ATF7IP2: variants seen among roughly 807,000 people sequenced by gnomAD.
The protein encoded by ATF7IP2 is activating transcription factor 7 interacting protein 2.
In ATF7IP2, 42 loss-of-function variants were observed where a neutral mutation model predicts 64.2. The ratio of observed to expected loss-of-function variants is 0.65; its 90% CI spans 0.51 to 0.85. The LOEUF is 0.85. Among genes scored for constraint, ATF7IP2 ranks in the 40% least tolerant of loss-of-function variants. The pLI is 0.00. For missense variants in ATF7IP2, 933 were observed against 784.2 expected (o/e 1.19, Z -2.27); for synonymous variants, 308 against 272.8 (o/e 1.13, Z -1.27).
chr16:10,434,918 A>G (rs1028451365), intron 6 of ATF7IP2, among the ~76,000 whole-genome samples: 11 of 152,162 alleles, frequency 7.2e-5, no homozygotes, highest in Non-Finnish European at 1.0e-4. Flanking sequence ...GGTGTGCACT[A>G]GCACACCCAG....
intron 9 of ATF7IP2, among the ~76,000 whole-genome samples, chr16:10,459,416 C>T (rs551618574): frequency 2.7e-4 from 41 of 150,120 alleles, no homozygotes; most frequent in African/African-American, 7.9e-4. Flanking sequence ...TGCAGTGAGC[C>T]GGTATCACAC....
At chr16:10,434,464 A>G (rs760484664) in intron 6 of ATF7IP2, among the ~76,000 whole-genome samples, 1 of 152,166 alleles carries the variant, frequency 6.6e-6, no homozygotes, top group Non-Finnish European at 1.5e-5. Context: ...AAACACTACC[A>G]TTTTTTAAAA....
chr16:10,469,019 A>C (rs557566262), intron 9 of ATF7IP2, among the ~76,000 whole-genome samples: 32 of 152,350 alleles, frequency 2.1e-4, no homozygotes, highest in Non-Finnish European at 4.0e-4. Context: ...ATTTAATTGC[A>C]TGCCAGAACA....
rs772187949 is a variant in ATF7IP2, at chr16:10,457,401, T to A, written c.1224T>A (p.Asp408Glu). Residue 408 changes from aspartate (D) to glutamate (E), a missense_variant, in exon 9 of 14, where the codon GAT (aspartate) becomes GAA (glutamate). Asp to Glu is a conservative substitution (Grantham distance 45). Coordinates refer to ENST00000562102, the MANE Select transcript of ATF7IP2 (RefSeq NM_001393719.1). Reference sequence around the variant, plus strand: ...CAAATTCAGAGGCTATGATTTTGGATAAGAATCTTGAGTCAGTTAATAGTC... The same window carrying A: ...CAAATTCAGAGGCTATGATTTTGGAAAAGAATCTTGAGTCAGTTAATAGTC... The part of the protein sequence containing the change: ...KVANSEAMIL[D>E]KNLESVNSPI... 1 of 1,607,846 alleles carries A rather than the reference T, an allele frequency of 6.2e-7. No homozygotes were observed. The highest frequency in any genetic ancestry group is 1.1e-5 in the South Asian group (1 of 88,884).
At chr16:10,403,220 G>C (rs2047569510) in intron 1 of ATF7IP2, among the ~76,000 whole-genome samples, 1 of 152,120 alleles carries the variant, frequency 6.6e-6, no homozygotes, top group Non-Finnish European at 1.5e-5. Context: ...TACAATATGT[G>C]ACACATATGC....
intron 1 of ATF7IP2, among the ~76,000 whole-genome samples, chr16:10,409,313 C>T (rs747254130): frequency 1.3e-5 from 2 of 152,076 alleles, no homozygotes; most frequent in Admixed American, 6.5e-5. Context: ...AGGTTGTTTA[C>T]ACTAATTAGG....
At chr16:10,463,412 G>T (rs1279641024) in intron 9 of ATF7IP2, among the ~76,000 whole-genome samples, 1 of 152,204 alleles carries the variant, frequency 6.6e-6, no homozygotes, top group Non-Finnish European at 1.5e-5. Flanking sequence ...TATGGCACAA[G>T]TGACATTATT....
At chr16:10,471,469 G>A (rs149680638) in intron 9 of ATF7IP2, among the ~76,000 whole-genome samples, 1,965 of 152,002 alleles carry the variant, frequency 0.013, 47 homozygotes, top group African/African-American at 0.045. Context: ...CAGAGGTTTC[G>A]GTGAGCCAAG....
At chr16:10,459,487 A>G (rs1567164653) in intron 9 of ATF7IP2, among the ~76,000 whole-genome samples, 1 of 149,992 alleles carries the variant, frequency 6.7e-6, no homozygotes, top group Middle Eastern at 3.4e-3. Context: ...AAAAAAAAAA[A>G]AAATACAAAA....
chr16:10,433,052 AT>A (rs1055422503), intron 5 of ATF7IP2, among the ~76,000 whole-genome samples: 2 of 151,932 alleles, frequency 1.3e-5, no homozygotes, highest in African/African-American at 4.8e-5. Context: ...AAGATAACTC[AT>A]TTTTTTTCAA....
At chr16:10,460,967 A>ATAT (rs1377360401) in intron 9 of ATF7IP2, among the ~76,000 whole-genome samples, 1 of 152,208 alleles carries the variant, frequency 6.6e-6, no homozygotes, top group Admixed American at 6.5e-5. Flanking sequence ...AACGCAGAAT[A>ATAT]TATATAAAGA....
chr16:10,418,601 G>A (rs2047925062), intron 2 of ATF7IP2, among the ~76,000 whole-genome samples: 1 of 152,194 alleles, frequency 6.6e-6, no homozygotes, highest in African/African-American at 2.4e-5. Flanking sequence ...TGGGTTAATA[G>A]CTGCTAATCT....
chr16:10,388,719 A>T (rs769016117), intron 1 of ATF7IP2, among the ~76,000 whole-genome samples: 10 of 152,226 alleles, frequency 6.6e-5, no homozygotes, highest in Non-Finnish European at 1.3e-4. Flanking sequence ...AGATATAAAA[A>T]ATATTTGTAG....
chr16:10,429,695 GTTTTATTTTA>G (rs55705185), intron 4 of ATF7IP2, among the ~76,000 whole-genome samples: 3,713 of 138,396 alleles, frequency 0.027, 155 homozygotes, highest in African/African-American at 0.092. Context: ...CTTAGTGCTG[GTTTTATTTTA>G]TTTTATTTTA....
At chr16:10,462,110 C>G (rs2049392847) in intron 9 of ATF7IP2, among the ~76,000 whole-genome samples, 1 of 152,018 alleles carries the variant, frequency 6.6e-6, no homozygotes, top group Non-Finnish European at 1.5e-5. Flanking sequence ...GATATGTATT[C>G]TTTACTCGGA....
chr16:10,434,559 C>T (rs899949892), intron 6 of ATF7IP2, among the ~76,000 whole-genome samples: 2 of 151,666 alleles, frequency 1.3e-5, no homozygotes, highest in Admixed American at 6.6e-5. Flanking sequence ...GAAAGAGTTA[C>T]GCAGAACCAG....
chr16:10,472,268 A>G (rs1297718477), intron 10 of ATF7IP2, 85 bp downstream of exon 10: 30 of 621,560 alleles, frequency 4.8e-5, no homozygotes, highest in Non-Finnish European at 1.3e-5. Flanking sequence ...ATTGAATAAT[A>G]TCTTTTAATA....
intron 10 of ATF7IP2, among the ~76,000 whole-genome samples, chr16:10,473,249 T>A (rs1007204990): frequency 6.6e-6 from 1 of 152,246 alleles, no homozygotes; most frequent in African/African-American, 2.4e-5. Flanking sequence ...AAAAAAGAGT[T>A]ACTAATATAG....
rs142846114 is a variant in ATF7IP2, at chr16:10,458,078, T to C, written c.1352+549T>C. Among the ~76,000 whole-genome samples, 72 of 152,298 alleles carry C rather than the reference T, an allele frequency of 4.7e-4. 3 individuals are homozygous for C. In the East Asian group the frequency reaches 0.014, roughly 29 times the overall value. On this transcript the variant is annotated intron_variant, in intron 9 of 13. Transcript: ENST00000562102. ...AATAAGTAGATTAAATGATGGCCAT[T>C]GTTTGAAGAACACCCTTTCCCACAG...
Sources: allele counts gnomAD v4.1 joint callset (sites outside exome capture counted in the v4.1 genomes callset), GRCh38; gene constraint gnomAD v4.1.1; transcripts MANE v1.5; gene names NCBI Gene and HGNC (gene_info 2026-07-23, HGNC 2026-07-21).